The following SIPA1L3 variants were observed in gnomAD, a reference collection of about 807,000 sequenced individuals.
SIPA1L3 encodes signal-induced proliferation-associated 1-like protein 3.
A neutral mutation model predicts 150.1 loss-of-function variants in SIPA1L3; 59 were observed. That is an observed-to-expected ratio of 0.39 (90% CI 0.32 to 0.49). SIPA1L3 has a LOEUF of 0.49. Among genes scored for constraint, SIPA1L3 ranks in the 20% least tolerant of loss-of-function variants. The pLI, the probability that SIPA1L3 is intolerant of heterozygous loss-of-function variation, is 0.86. For synonymous variants in SIPA1L3, 1,070 were observed against 1,077.6 expected (o/e 0.99, Z 0.14); for missense variants, 2,211 against 2,489.5 (o/e 0.89, Z 2.38).
intron 2 of SIPA1L3, among the ~76,000 whole-genome samples, chr19:38,053,516 A>G (rs1969246083): frequency 1.3e-5 from 2 of 151,846 alleles, no homozygotes; most frequent in Admixed American, 1.3e-4. Context: ...AGAGCTCTAC[A>G]TATTAACTCA....
At chr19:38,010,341 G>A (rs1968067555) in intron 1 of SIPA1L3, among the ~76,000 whole-genome samples, 1 of 151,652 alleles carries the variant, frequency 6.6e-6, no homozygotes, top group Non-Finnish European at 1.5e-5. Context: ...CCAGGAGTTT[G>A]AGGCTATAGT....
intron 1 of SIPA1L3, among the ~76,000 whole-genome samples, chr19:37,941,087 TAC>T (rs59368800): frequency 0.024 from 3,136 of 128,550 alleles, 71 homozygotes; most frequent in East Asian, 0.096. Flanking sequence ...CACACACACA[TAC>T]ACACACACAC....
chr19:38,143,719 A>G (rs1180028665), intron 12 of SIPA1L3, among the ~76,000 whole-genome samples: 1 of 151,794 alleles, frequency 6.6e-6, no homozygotes, highest in Non-Finnish European at 1.5e-5. Context: ...TTGTATTTTT[A>G]GTAGAGACGG....
intron 8 of SIPA1L3, 81 bp downstream of exon 8, chr19:38,110,465 C>G: frequency 8.7e-7 from 1 of 1,150,148 alleles, no homozygotes; most frequent in South Asian, 1.4e-5. Context: ...AGTACAGGGC[C>G]CCCCCACACC....
chr19:38,076,214 A>G (rs1257780735), intron 2 of SIPA1L3, among the ~76,000 whole-genome samples: 1 of 152,156 alleles, frequency 6.6e-6, no homozygotes, highest in Non-Finnish European at 1.5e-5. Flanking sequence ...TCATGAATAC[A>G]TAAAATATAT....
intron 13 of SIPA1L3, among the ~76,000 whole-genome samples, chr19:38,159,481 T>TG (rs945232482): frequency 1.3e-5 from 2 of 152,170 alleles, no homozygotes; most frequent in South Asian, 2.1e-4. Flanking sequence ...GGGCAGTTTG[T>TG]GGGGGGTCCA....
chr19:38,045,948 A>T (rs1013311471), intron 2 of SIPA1L3, among the ~76,000 whole-genome samples: 1 of 152,112 alleles, frequency 6.6e-6, no homozygotes, highest in African/African-American at 2.4e-5. Flanking sequence ...GGGAGAAGTG[A>T]TACAACTTCA....
intron 10 of SIPA1L3, 125 bp downstream of exon 10, chr19:38,130,897 A>T: frequency 1.9e-6 from 2 of 1,039,534 alleles, no homozygotes; most frequent in Non-Finnish European, 2.7e-6. Flanking sequence ...TCTAGGCAGG[A>T]ATAGTGGCAA....
At chr19:38,125,311 C>A (rs1212338083) in intron 9 of SIPA1L3, among the ~76,000 whole-genome samples, 1 of 152,202 alleles carries the variant, frequency 6.6e-6, no homozygotes, top group Non-Finnish European at 1.5e-5. Flanking sequence ...GCTAGAATTA[C>A]AGGCCTGAGC....
chr19:37,910,371 G>A (rs1381211060), intron 1 of SIPA1L3, among the ~76,000 whole-genome samples: 1 of 151,778 alleles, frequency 6.6e-6, no homozygotes, highest in Non-Finnish European at 1.5e-5. Flanking sequence ...GAGTTTGAGA[G>A]CAGCCTGGGC....
rs1432456018 is a variant in SIPA1L3 at position 38,206,324 on chromosome 19, C to A, written c.*84C>A. The A allele has an allele frequency of 1.4e-6, 2 of 1,448,484 alleles. No homozygotes were observed. 89.7% of individuals were successfully genotyped at this position (1,448,484 alleles called of 1,614,324 possible). On this transcript the variant is annotated 3_prime_UTR_variant, in exon 22 of 22. Coordinates refer to ENST00000222345, the MANE Select transcript of SIPA1L3 (RefSeq NM_015073.3). ...TCTCCCTCCACTCAGCTCCCAGCTG[C>A]CGGTGTGACCAAGATGACCCATCCA...
At chr19:38,122,324 A>G (rs1971040143) in intron 9 of SIPA1L3, among the ~76,000 whole-genome samples, 1 of 152,176 alleles carries the variant, frequency 6.6e-6, no homozygotes, top group Non-Finnish European at 1.5e-5. Context: ...GTTTTAGGGA[A>G]AAAAAGGTCG....
intron 1 of SIPA1L3, among the ~76,000 whole-genome samples, chr19:37,927,676 TGTGTGTG>T (rs2046517473): frequency 6.6e-6 from 1 of 150,516 alleles, no homozygotes. Flanking sequence ...TGTGTGTGTG[TGTGTGTG>T]TGTGTGTGTA....
Position 38,023,129 on chromosome 19 carries a change from C to T in SIPA1L3, c.-378-5960C>T, listed in dbSNP as rs916788962. ...GTCTGTCTGTGAGCCCACTCTACCA[C>T]GGAGTTACTTAGGCTGGGCTGGAGG... is the stretch of plus-strand genomic sequence containing the variant. On this transcript the variant is annotated intron_variant, in intron 1 of 21. Transcript: ENST00000222345. Among the ~76,000 whole-genome samples, 6 of 152,210 alleles carry T rather than the reference C, an allele frequency of 3.9e-5. No individual in the cohort carries two copies. In the South Asian group the frequency reaches 6.2e-4, roughly 16 times the overall value.
chr19:38,028,784 C>G (rs991314047), intron 1 of SIPA1L3, among the ~76,000 whole-genome samples: 1 of 151,832 alleles, frequency 6.6e-6, no homozygotes, highest in African/African-American at 2.4e-5. Context: ...CCTCCACCTC[C>G]CGGGTTCAAG....
At chr19:38,000,476 C>CAA (rs931671031) in intron 1 of SIPA1L3, among the ~76,000 whole-genome samples, 694 of 43,082 alleles carry the variant, frequency 0.016, 14 homozygotes, top group African/African-American at 0.05. Flanking sequence ...GACTCTGTCT[C>CAA]AAAAAAAAAA....
At chr19:37,928,022 G>A (rs1157780619) in intron 1 of SIPA1L3, among the ~76,000 whole-genome samples, 1 of 152,136 alleles carries the variant, frequency 6.6e-6, no homozygotes, top group African/African-American at 2.4e-5. Flanking sequence ...TGCGATGAAC[G>A]TAGGAGTGCA....
At chr19:38,012,063 G>A (rs1420698368) in intron 1 of SIPA1L3, among the ~76,000 whole-genome samples, 1 of 151,616 alleles carries the variant, frequency 6.6e-6, no homozygotes, top group South Asian at 2.1e-4. Flanking sequence ...CAACATGCAT[G>A]AATGCACATC....
In SIPA1L3 at chr19:38,145,550, A is replaced by G. The variant is rs1326839479; in HGVS notation, c.3533+2840A>G. 2.0e-5 allele frequency among the ~76,000 whole-genome samples: 3 copies of G among 151,980 alleles called. No homozygotes were observed. The East Asian group carries it at 5.8e-4, about 29-fold the overall frequency. On this transcript the variant is annotated intron_variant, in intron 12 of 21. Coordinates refer to ENST00000222345, the MANE Select transcript of SIPA1L3 (RefSeq NM_015073.3). ...ACTCCGTCTCAAAAAAAAAAAAAAA[A>G]AAAAGAATACAGGGAGGTCTTGTGA... is the stretch of plus-strand genomic sequence containing the variant.
Sources: allele counts gnomAD v4.1 joint callset (sites outside exome capture counted in the v4.1 genomes callset), GRCh38; gene constraint gnomAD v4.1.1; transcripts MANE v1.5; gene names NCBI Gene and HGNC (gene_info 2026-07-23, HGNC 2026-07-21).